BNC2: variants seen among roughly 807,000 people sequenced by gnomAD.
The protein encoded by BNC2 is basonuclin zinc finger protein 2.
A neutral mutation model predicts 76.3 loss-of-function variants in BNC2; 20 were observed. The observed-to-expected ratio is 0.26, with a 90% CI of 0.18 to 0.38. The LOEUF (loss-of-function observed/expected upper bound fraction) is 0.38. Among genes scored for constraint, BNC2 ranks in the 10% least tolerant of loss-of-function variants. The probability of loss-of-function intolerance (pLI) is 1.00; values close to 1 mark genes in which losing one functional copy is unlikely to be tolerated. For synonymous variants in BNC2, 582 were observed against 514.8 expected, an observed-to-expected ratio of 1.13 and a Z score of -1.77; for missense variants, 1,382 against 1,399.8, an observed-to-expected ratio of 0.99 and a Z score of 0.20.
intron 1 of BNC2, among the ~76,000 whole-genome samples, chr9:16,780,391 G>A (rs1433507256): frequency 1.3e-5 from 2 of 151,746 alleles, no homozygotes; most frequent in Non-Finnish European, 2.9e-5. Flanking sequence ...GGCCAACATG[G>A]GGAAACCCCG....
intron 1 of BNC2, among the ~76,000 whole-genome samples, chr9:16,759,172 C>T (rs1021446710): frequency 2.6e-5 from 4 of 152,124 alleles, no homozygotes; most frequent in Non-Finnish European, 5.9e-5. Context: ...TCTCACACTT[C>T]TATAATAAGA....
chr9:16,626,389 C>T (rs993511669), intron 3 of BNC2: 2 of 152,080 alleles, frequency 1.3e-5, no homozygotes, highest in African/African-American at 4.8e-5. Context: ...TAATAAAAGT[C>T]GAAGTGTTTT....
At chr9:16,707,409 TTTTCTTC>T (rs1459121447) in intron 3 of BNC2, among the ~76,000 whole-genome samples, 1 of 152,074 alleles carries the variant, frequency 6.6e-6, no homozygotes, top group Admixed American at 6.6e-5. Flanking sequence ...ACAGATACAC[TTTTCTTC>T]TTATATCAAG....
At chr9:16,424,802 T>C (rs2119196218) in intron 6 of BNC2, among the ~76,000 whole-genome samples, 1 of 152,328 alleles carries the variant, frequency 6.6e-6, no homozygotes, top group Non-Finnish European at 1.5e-5. Flanking sequence ...AAATTAAAAC[T>C]TCTGCCTTCA....
At chr9:16,595,851 A>G (rs1820052809) in intron 3 of BNC2, among the ~76,000 whole-genome samples, 1 of 152,140 alleles carries the variant, frequency 6.6e-6, no homozygotes, top group Non-Finnish European at 1.5e-5. Flanking sequence ...AGGAACTTTG[A>G]GCTAACTCTT....
chr9:16,816,009 C>G (rs900717353), intron 1 of BNC2, among the ~76,000 whole-genome samples: 6 of 152,054 alleles, frequency 3.9e-5, no homozygotes, highest in African/African-American at 1.2e-4. Context: ...AACAATTTCC[C>G]AACTGCCTAT....
At chr9:16,691,476 G>A (rs1157805981) in intron 3 of BNC2, among the ~76,000 whole-genome samples, 1 of 147,676 alleles carries the variant, frequency 6.8e-6, no homozygotes, top group Non-Finnish European at 1.5e-5. Flanking sequence ...GAAGTCACTT[G>A]TACCAGATCC....
At chr9:16,801,812 T>C (rs1817789622) in intron 1 of BNC2, among the ~76,000 whole-genome samples, 1 of 151,392 alleles carries the variant, frequency 6.6e-6, no homozygotes, top group Non-Finnish European at 1.5e-5. Flanking sequence ...AAAGGGATAA[T>C]CCCTTACTGT....
chr9:16,444,696 A>G (rs1289368323), intron 5 of BNC2, among the ~76,000 whole-genome samples: 1 of 152,222 alleles, frequency 6.6e-6, no homozygotes, highest in Non-Finnish European at 1.5e-5. Flanking sequence ...AGTTTCAGGG[A>G]GATATTCTGT....
intron 3 of BNC2, among the ~76,000 whole-genome samples, chr9:16,611,368 T>C (rs1327913428): frequency 6.6e-6 from 1 of 152,166 alleles, no homozygotes; most frequent in Admixed American, 6.6e-5. Flanking sequence ...TTTTGAATTA[T>C]CTGGAAAACG....
In BNC2 at chr9:16,419,185, A is replaced by G; in HGVS notation, c.3104T>C (p.Ile1035Thr). 1 of 1,614,110 alleles carries G rather than the reference A, an allele frequency of 6.2e-7. No individual in the cohort carries two copies. Among genetic ancestry groups the G allele is most frequent in the Non-Finnish European group, 8.5e-7 (1 of 1,180,036 alleles). ...CATTTTGTGGCAAATGTTGCACATGATCCCACCATTGCTCCCAGACAAGCT... is the reference window on the plus strand; with the variant it reads ...CATTTTGTGGCAAATGTTGCACATGGTCCCACCATTGCTCCCAGACAAGCT... Reference protein sequence around the residue: ...FSSLSGSNGGIMCNICHKMYS... With the variant: ...FSSLSGSNGGTMCNICHKMYS... Residue 1035 changes from isoleucine to threonine, a missense_variant, in exon 7 of 7, where the codon ATC (isoleucine) becomes ACC (threonine). Around this residue, in one of 3 missense-constraint regions of BNC2, gnomAD observed 798 missense variants for 775.5 expected, o/e 1.03. Transcript: ENST00000380672.
intron 1 of BNC2, among the ~76,000 whole-genome samples, chr9:16,755,514 T>C (rs1449119856): frequency 1.3e-5 from 2 of 152,170 alleles, no homozygotes; most frequent in Non-Finnish European, 2.9e-5. Flanking sequence ...ACTATGCAAT[T>C]ATATGACAAA....
chr9:16,734,494 T>A (rs1824608292), intron 2 of BNC2, among the ~76,000 whole-genome samples: 1 of 152,202 alleles, frequency 6.6e-6, no homozygotes, highest in Non-Finnish European at 1.5e-5. Flanking sequence ...CACTTCATAT[T>A]TACAACTCTA....
chr9:16,584,171 A>G (rs1587200522), intron 3 of BNC2, among the ~76,000 whole-genome samples: 1 of 152,146 alleles, frequency 6.6e-6, no homozygotes, highest in African/African-American at 2.4e-5. Context: ...TTTAGATGCA[A>G]TCAATGATTA....
rs537261328 is a variant in BNC2 at position 16,513,402 on chromosome 9, G to C, written c.669+39128C>G. 5.6e-3 allele frequency among the ~76,000 whole-genome samples: 841 copies of C among 149,294 alleles called. 9 individuals carry two copies. Among genetic ancestry groups the C allele is most frequent in the African/African-American group, 0.02 (802 of 39,966 alleles). On this transcript the variant is annotated intron_variant, in intron 5 of 6. Transcript: ENST00000380672. ...GCTCACTGCAAGCTCTGCCTCCTGG[G>C]TTCACACCATTCTCCTGCCTCAGCC...
intron 1 of BNC2, among the ~76,000 whole-genome samples, chr9:16,818,932 T>C (rs1019147261): frequency 6.6e-6 from 1 of 152,184 alleles, no homozygotes; most frequent in African/African-American, 2.4e-5. Flanking sequence ...TCTTACATCC[T>C]ATCTTAACAA....
chr9:16,528,698 A>G (rs866288880), intron 5 of BNC2, among the ~76,000 whole-genome samples: 1 of 152,246 alleles, frequency 6.6e-6, no homozygotes, highest in Non-Finnish European at 1.5e-5. Flanking sequence ...GATATTTCCT[A>G]CAACAGTGTT....
intron 4 of BNC2, among the ~76,000 whole-genome samples, chr9:16,567,991 T>A (rs536607880): frequency 6.6e-6 from 1 of 152,320 alleles, no homozygotes; most frequent in South Asian, 2.1e-4. Flanking sequence ...TATTTCAAAA[T>A]TTTTAATGCT....
intron 5 of BNC2, among the ~76,000 whole-genome samples, chr9:16,469,522 C>A (rs2131350737): frequency 6.6e-6 from 1 of 152,314 alleles, no homozygotes; most frequent in East Asian, 1.9e-4. Flanking sequence ...AATTAAACCT[C>A]TTTTTGTTCC....
Sources: gnomAD v4.1 joint callset for allele counts (sites outside exome capture counted in the v4.1 genomes callset) on GRCh38, gnomAD v4.1.1 for gene constraint, gnomAD v4.1.1 regional missense constraint, MANE v1.5 for transcripts, NCBI Gene and HGNC (gene_info 2026-07-23, HGNC 2026-07-21) for gene names.